Variants in CREB3L2 observed in about 807,000 individuals in gnomAD.
CREB3L2 encodes the protein cAMP responsive element binding protein 3 like 2.
CREB3L2 carries 23 observed loss-of-function variants against 57.2 expected under a neutral mutation model. The ratio of observed to expected loss-of-function variants is 0.40; its 90% CI spans 0.29 to 0.57. The LOEUF (loss-of-function observed/expected upper bound fraction) is 0.57. Among genes scored for constraint, CREB3L2 ranks in the 20% least tolerant of loss-of-function variants. CREB3L2 has a pLI of 0.42. For synonymous variants in CREB3L2, 268 were observed against 265.1 expected, an observed-to-expected ratio of 1.01 and a Z score of -0.11; for missense variants, 628 against 634.7, an observed-to-expected ratio of 0.99 and a Z score of 0.11.
rs66931280 is a variant in CREB3L2 at position 137,969,761 on chromosome 7, A to AACACACACACACACACACAC, written c.102+31823_102+31842dup. On this transcript the variant is annotated intron_variant, in intron 1 of 11. Transcript: ENST00000330387. ...CTCAACTAACTTTCAAGGGTCATCA[A>AACACACACACACACACACAC]ACACACACACACACACACACACACA... Among the ~76,000 whole-genome samples, 858 of 103,604 alleles carry AACACACACACACACACACAC rather than the reference A, an allele frequency of 8.3e-3. 15 individuals carry two copies. The highest frequency in any genetic ancestry group is 0.023 in the African/African-American group (813 of 34,864). The allele number at this position is 103,604 out of a possible 152,430, so 68.0% of individuals were successfully genotyped here.
chr7:137,912,883 TACA>T lies in CREB3L2; in HGVS notation c.583+105_583+107del, dbSNP rs1435007015. The T allele has an allele frequency of 2.6e-6, 4 of 1,555,370 alleles. No individual in the cohort carries two copies. The South Asian group carries it at 3.5e-5, about 14-fold the overall frequency. On this transcript the variant is annotated intron_variant, in intron 4 of 11. Transcript: ENST00000330387. ...AACAGAGCTATTTCATAAAGCCAGC[TACA>T]ACATCTGTGGTACAAACTCATCCCA... is the stretch of plus-strand genomic sequence containing the variant.
intron 8 of CREB3L2, among the ~76,000 whole-genome samples, chr7:137,892,219 A>T (rs1483529468): frequency 6.6e-6 from 1 of 152,192 alleles, no homozygotes; most frequent in Admixed American, 6.6e-5. Flanking sequence ...AAGCATTCAT[A>T]TTAGTGAGGT....
intron 1 of CREB3L2, among the ~76,000 whole-genome samples, chr7:137,954,238 G>A (rs1434785210): frequency 6.6e-6 from 1 of 152,040 alleles, no homozygotes; most frequent in African/African-American, 2.4e-5. Flanking sequence ...CAAAAGTGTA[G>A]GATCTTAGTG....
At chr7:137,988,773 GACTT>G (rs1342109179) in intron 1 of CREB3L2, among the ~76,000 whole-genome samples, 3 of 152,114 alleles carry the variant, frequency 2.0e-5, no homozygotes, top group Non-Finnish European at 4.4e-5. Flanking sequence ...GAGATAGATG[GACTT>G]ATCTGGAGAG....
intron 1 of CREB3L2, chr7:137,956,616 C>A (rs1188099705): frequency 4.7e-6 from 6 of 1,289,016 alleles, no homozygotes; most frequent in Non-Finnish European, 6.1e-6. Context: ...ACAGCCATGC[C>A]GAATATTTCT....
At chr7:137,936,005 G>C (rs1337049206) in intron 1 of CREB3L2, 3 of 921,548 alleles carry the variant, frequency 3.3e-6, no homozygotes, top group African/African-American at 1.8e-5. Context: ...AGGTCACGAG[G>C]GTGAGGAAAG....
At chr7:137,993,036 G>A (rs1801928498) in intron 1 of CREB3L2, among the ~76,000 whole-genome samples, 1 of 152,204 alleles carries the variant, frequency 6.6e-6, no homozygotes, top group Non-Finnish European at 1.5e-5. Flanking sequence ...CAAGGCAGAG[G>A]CCTGTGTTTA....
intron 8 of CREB3L2, among the ~76,000 whole-genome samples, chr7:137,894,525 G>T (rs1170124507): frequency 6.6e-6 from 1 of 152,146 alleles, no homozygotes. Context: ...GGCTTCAGGG[G>T]TGCCCACTGG....
intron 6 of CREB3L2, among the ~76,000 whole-genome samples, chr7:137,905,085 C>T (rs565818980): frequency 9.2e-5 from 14 of 151,748 alleles, no homozygotes; most frequent in Non-Finnish European, 1.6e-4. Context: ...CTCTTTGCCC[C>T]CTCCCTCCTG....
At chr7:137,942,956 G>A (rs1800901667) in intron 1 of CREB3L2, among the ~76,000 whole-genome samples, 1 of 152,150 alleles carries the variant, frequency 6.6e-6, no homozygotes. Flanking sequence ...CGGGGGTGGG[G>A]GAGATATTCT....
chr7:137,984,500 C>T (rs1278133748), intron 1 of CREB3L2, among the ~76,000 whole-genome samples: 3 of 152,216 alleles, frequency 2.0e-5, no homozygotes, highest in South Asian at 2.1e-4. Context: ...AACAGCCTCA[C>T]GGGAAGGGCC....
chr7:137,963,334 T>C (rs1021302823), intron 1 of CREB3L2, among the ~76,000 whole-genome samples: 1 of 152,222 alleles, frequency 6.6e-6, no homozygotes, highest in African/African-American at 2.4e-5. Flanking sequence ...AATAACCAGC[T>C]CCACCAGTTT....
At chr7:137,926,556 C>T (rs1800464133) in intron 2 of CREB3L2, among the ~76,000 whole-genome samples, 1 of 152,056 alleles carries the variant, frequency 6.6e-6, no homozygotes. Flanking sequence ...GGGAGGGGAA[C>T]ATCACACACC....
chr7:137,964,774 T>C (rs946722438), intron 1 of CREB3L2, among the ~76,000 whole-genome samples: 1 of 152,214 alleles, frequency 6.6e-6, no homozygotes, highest in Admixed American at 6.5e-5. Context: ...TGAATTGAGC[T>C]CCCATAATTC....
At position 137,985,776 on chromosome 7, in the gene CREB3L2, A is replaced by G. The variant is rs184064518; in HGVS notation, c.102+15828T>C. On this transcript the variant is annotated intron_variant, in intron 1 of 11. Coordinates refer to ENST00000330387, the MANE Select transcript of CREB3L2 (RefSeq NM_194071.4). The stretch of plus-strand genomic sequence containing the variant: ...TGACAAAAACATTTCAGTTCCTCAG[A>G]AGCAGGTGCCTGAAAATTTGAAGTG... Among the ~76,000 whole-genome samples the G allele has an allele frequency of 2.6e-5, 4 of 152,316 alleles. No homozygotes were observed. In the East Asian group the frequency reaches 7.7e-4, roughly 29 times the overall value.
rs1026003141 is a variant in CREB3L2 at position 137,876,540 on chromosome 7, C to T, written c.*3936G>A. 5.6e-5 allele frequency: 13 copies of T among 232,912 alleles called. No individual in the cohort carries two copies. Among genetic ancestry groups the T allele is most frequent in the African/African-American group, 2.2e-4 (10 of 45,388 alleles). 14.4% of individuals were successfully genotyped at this position (232,912 alleles called of 1,614,324 possible). A position where few individuals can be genotyped will look rare whatever the true frequency, so the allele number is the denominator to read the frequency against. On this transcript the variant is annotated 3_prime_UTR_variant, in exon 12 of 12. Transcript: ENST00000330387. ...GTAACTGAATGAGTGAGTGAATGAA[C>T]GAAACATCTAAGTCTTGTCTCTGGA...
At chr7:137,901,261 C>A in intron 8 of CREB3L2, 93 bp downstream of exon 8, 1 of 841,386 alleles carries the variant, frequency 1.2e-6, no homozygotes, top group South Asian at 1.5e-5. Flanking sequence ...TGACCTCCTC[C>A]ACTTTTCTGC....
At position 137,966,278 on chromosome 7, in the gene CREB3L2, A is replaced by G. The variant is rs116098408; in HGVS notation, c.102+35326T>C. ...TCTTACTGCATAATTTGTAAAATAG[A>G]TTATATGTTACTTGCTTACATACTT... is the stretch of plus-strand genomic sequence containing the variant. On this transcript the variant is annotated intron_variant, in intron 1 of 11. Coordinates refer to ENST00000330387, the MANE Select transcript of CREB3L2 (RefSeq NM_194071.4). Among the ~76,000 whole-genome samples the G allele has an allele frequency of 6.8e-3, 1,031 of 152,362 alleles. 17 individuals are homozygous for G. Among genetic ancestry groups the G allele is most frequent in the African/African-American group, 0.024 (993 of 41,590 alleles).
At chr7:137,915,674 C>T (rs748429033) in intron 3 of CREB3L2, among the ~76,000 whole-genome samples, 163 bp downstream of exon 3, 2 of 152,150 alleles carry the variant, frequency 1.3e-5, no homozygotes, top group Non-Finnish European at 2.9e-5. Context: ...AATCAACATA[C>T]CCTTATTAAA....
Sources: allele counts gnomAD v4.1 joint callset (sites outside exome capture counted in the v4.1 genomes callset), GRCh38; gene constraint gnomAD v4.1.1; transcripts MANE v1.5; gene names NCBI Gene and HGNC (gene_info 2026-07-23, HGNC 2026-07-21).